The following SBF2 variants were observed in gnomAD, a reference collection of about 807,000 sequenced individuals.
SBF2 encodes the protein SET binding factor 2.
A neutral mutation model predicts 225.2 loss-of-function variants in SBF2; 112 were observed. The observed-to-expected ratio is 0.50, with a 90% confidence interval of 0.43 to 0.58. The LOEUF is 0.58. Among genes scored for constraint, SBF2 ranks in the 20% least tolerant of loss-of-function variants. The pLI is 0.00. For synonymous variants in SBF2, 763 were observed against 773.3 expected (o/e 0.99, Z 0.22); for missense variants, 1,996 against 2,206.2 (o/e 0.90, Z 1.91).
chr11:10,278,255 A>T (rs1340787248), intron 1 of SBF2, among the ~76,000 whole-genome samples: 1 of 152,208 alleles, frequency 6.6e-6, no homozygotes, highest in African/African-American at 2.4e-5. Flanking sequence ...CTTATGAAAA[A>T]TTTTATGATG....
chr11:9,990,674 G>C (rs1009322446), intron 12 of SBF2, among the ~76,000 whole-genome samples: 12 of 152,146 alleles, frequency 7.9e-5, no homozygotes, highest in Admixed American at 1.3e-4. Context: ...ACACTAAGGG[G>C]TGACTCAGTA....
upstream of SBF2, among the ~76,000 whole-genome samples, chr11:10,298,362 G>A (rs777384546): frequency 6.6e-5 from 10 of 152,210 alleles, no homozygotes; most frequent in Non-Finnish European, 1.5e-4. Flanking sequence ...TTGCACTCCA[G>A]CCTGGGCAAC....
At chr11:9,882,614 C>T (rs1187091793) in intron 17 of SBF2, among the ~76,000 whole-genome samples, 1 of 151,990 alleles carries the variant, frequency 6.6e-6, no homozygotes, top group Admixed American at 6.6e-5. Flanking sequence ...CGAGACCATC[C>T]TGGCTAACAC....
intron 29 of SBF2, among the ~76,000 whole-genome samples, chr11:9,813,010 T>C (rs907666449): frequency 2.6e-5 from 4 of 152,198 alleles, no homozygotes; most frequent in Non-Finnish European, 5.9e-5. Flanking sequence ...TGGAACTTGA[T>C]GGAGCTCATA....
At chr11:10,189,887 C>T (rs993175535) in intron 2 of SBF2, among the ~76,000 whole-genome samples, 1 of 152,154 alleles carries the variant, frequency 6.6e-6, no homozygotes, top group African/African-American at 2.4e-5. Flanking sequence ...TGTGGTGGCT[C>T]ACATCTGTAA....
chr11:9,956,782 G>C (rs1309412315), intron 16 of SBF2: 1 of 152,030 alleles, frequency 6.6e-6, no homozygotes, highest in African/African-American at 2.4e-5. Context: ...TAAAGGTGGG[G>C]TTTGTTTCTT....
At chr11:10,042,723 C>A (rs536651278) in intron 3 of SBF2, 121 bp downstream of exon 3, 2 of 950,580 alleles carry the variant, frequency 2.1e-6, no homozygotes, top group Non-Finnish European at 3.3e-6. Flanking sequence ...AAAATTTCTT[C>A]ATGCTTCTTA....
At chr11:9,913,795 C>T (rs1862845980) in intron 16 of SBF2, among the ~76,000 whole-genome samples, 1 of 152,210 alleles carries the variant, frequency 6.6e-6, no homozygotes, top group Non-Finnish European at 1.5e-5. Flanking sequence ...CTACAGAACG[C>T]TTCTCTTCCC....
chr11:10,154,901 C>T (rs1955394591), intron 2 of SBF2, among the ~76,000 whole-genome samples: 1 of 152,126 alleles, frequency 6.6e-6, no homozygotes, highest in Non-Finnish European at 1.5e-5. Context: ...AATACACATA[C>T]AATGTAGTCT....
intron 2 of SBF2, among the ~76,000 whole-genome samples, chr11:10,080,443 A>G (rs1951322704): frequency 6.6e-6 from 1 of 152,010 alleles, no homozygotes; most frequent in African/African-American, 2.4e-5. Context: ...AACAAAACAC[A>G]AAAGTATAAA....
rs564296410 is a variant in SBF2 at position 10,188,846 on chromosome 11, T to A, written c.141+5056A>T. On this transcript the variant is annotated intron_variant, in intron 2 of 39. Coordinates refer to ENST00000256190, the MANE Select transcript of SBF2 (RefSeq NM_030962.4). ...CATTTTCTAGCTTAAACTCCATTTATATCCACTTGCTTTGTTGTGAACATA... is the reference window on the plus strand; with the variant it reads ...CATTTTCTAGCTTAAACTCCATTTAAATCCACTTGCTTTGTTGTGAACATA... Among the ~76,000 whole-genome samples, 10 of 152,380 alleles carry A rather than the reference T, an allele frequency of 6.6e-5. No individual in the cohort carries two copies. The South Asian group carries it at 2.1e-3, about 32-fold the overall frequency.
intron 28 of SBF2, among the ~76,000 whole-genome samples, chr11:9,824,549 G>A (rs1239710551): frequency 1.4e-5 from 2 of 144,942 alleles, no homozygotes; most frequent in African/African-American, 5.1e-5. Flanking sequence ...GTGACAGAGC[G>A]AGACTCCATC....
At chr11:10,280,877 AC>A (rs1483834330) in intron 1 of SBF2, among the ~76,000 whole-genome samples, 1 of 152,164 alleles carries the variant, frequency 6.6e-6, no homozygotes, top group Non-Finnish European at 1.5e-5. Flanking sequence ...GTTTCTCCTT[AC>A]CCAAAAATTG....
intron 2 of SBF2, among the ~76,000 whole-genome samples, chr11:10,103,724 A>T (rs1483326951): frequency 6.6e-6 from 1 of 152,232 alleles, no homozygotes; most frequent in African/African-American, 2.4e-5. Flanking sequence ...TAGGACTCTC[A>T]TGGAGAGCTG....
intron 16 of SBF2, among the ~76,000 whole-genome samples, chr11:9,924,425 CTTAT>C (rs113358504): frequency 3.3e-5 from 5 of 151,998 alleles, no homozygotes; most frequent in East Asian, 1.9e-4. Context: ...AAAGCATTTT[CTTAT>C]TTATTTATTT....
chr11:9,787,516 C>T (rs1411312378), intron 36 of SBF2, 118 bp downstream of exon 36: 20 of 809,478 alleles, frequency 2.5e-5, no homozygotes, highest in Non-Finnish European at 3.6e-5. Context: ...CTCCCCTTTC[C>T]ACCCTTCCTT....
intron 1 of SBF2, among the ~76,000 whole-genome samples, chr11:10,225,560 C>T (rs1258337800): frequency 1.3e-5 from 2 of 152,164 alleles, no homozygotes; most frequent in South Asian, 2.1e-4. Flanking sequence ...AATAAGTGAT[C>T]CATTTTTGTG....
rs190033096 is a variant in SBF2, at chr11:9,979,865, G to A, written c.1395+9632C>T. On this transcript the variant is annotated intron_variant, in intron 13 of 39. Transcript: ENST00000256190. ...TGCTCTGTTGCCCAGGCTGGAGTAC[G>A]GTGGCTCAATCATAGCTTACTGCAG... Among the ~76,000 whole-genome samples the A allele has an allele frequency of 4.7e-4, 70 of 148,058 alleles. No individual in the cohort carries two copies. The Middle Eastern group carries it at 0.011, about 23-fold the overall frequency.
chr11:10,042,711 TA>T, intron 3 of SBF2, 132 bp downstream of exon 3: 2 of 826,788 alleles, frequency 2.4e-6, no homozygotes, highest in Non-Finnish European at 3.9e-6. Context: ...ACCTTAAACA[TA>T]AAAATTTCTT....
Sources: gnomAD v4.1 joint callset for allele counts (sites outside exome capture counted in the v4.1 genomes callset) on GRCh38, gnomAD v4.1.1 for gene constraint, MANE v1.5 for transcripts, NCBI Gene and HGNC (gene_info 2026-07-23, HGNC 2026-07-21) for gene names.